The following FDFT1 variants were observed in gnomAD, a reference collection of about 807,000 sequenced individuals.
FDFT1 encodes the protein farnesyl-diphosphate farnesyltransferase 1.
A neutral mutation model predicts 46.8 loss-of-function variants in FDFT1; 68 were observed. That is an observed-to-expected ratio of 1.45 (90% CI 1.19 to 1.78). The LOEUF (loss-of-function observed/expected upper bound fraction) is 1.78. Ranked by LOEUF, FDFT1 falls within the 40% of genes most tolerant of loss-of-function variation. FDFT1 has a pLI of 0.00. For synonymous variants in FDFT1, 351 were observed against 185.1 expected (o/e 1.90, Z -7.28); for missense variants, 928 against 524.4 (o/e 1.77, Z -7.52).
At chr8:11,828,095 G>A (rs533310751) in intron 5 of FDFT1, among the ~76,000 whole-genome samples, 1 of 151,944 alleles carries the variant, frequency 6.6e-6, no homozygotes, top group East Asian at 1.9e-4. Flanking sequence ...CCAGCTACTT[G>A]GGAGGCTGAT....
At chr8:11,820,089 A>G (rs888045451) in intron 3 of FDFT1, among the ~76,000 whole-genome samples, 1 of 152,078 alleles carries the variant, frequency 6.6e-6, no homozygotes, top group Non-Finnish European at 1.5e-5. Flanking sequence ...TTTTCCTTCT[A>G]ACAGAGGCCC....
chr8:11,820,276 C>T (rs942363117), intron 3 of FDFT1, among the ~76,000 whole-genome samples: 1 of 152,298 alleles, frequency 6.6e-6, no homozygotes, highest in South Asian at 2.1e-4. Flanking sequence ...TGGGAGGTGT[C>T]TCCTCCCAGT....
intron 3 of FDFT1, among the ~76,000 whole-genome samples, chr8:11,821,254 T>C (rs1271903570): frequency 6.6e-6 from 1 of 152,242 alleles, no homozygotes; most frequent in African/African-American, 2.4e-5. Flanking sequence ...AACATTAGCA[T>C]TTTTAGACCA....
At chr8:11,814,750 C>T (rs1389264044) in intron 3 of FDFT1, among the ~76,000 whole-genome samples, 2 of 152,074 alleles carry the variant, frequency 1.3e-5, no homozygotes, top group African/African-American at 2.4e-5. Context: ...AAAAGTATAG[C>T]CTTAATAGTG....
At chr8:11,801,980 C>T (rs1410971228), upstream of FDFT1, 4 of 455,782 alleles carry the variant, frequency 8.8e-6, no homozygotes, top group Middle Eastern at 3.6e-4. Context: ...TGAGCCACCA[C>T]GCCTGGACGG....
intron 3 of FDFT1, chr8:11,810,126 C>G: frequency 2.5e-6 from 1 of 404,554 alleles, no homozygotes; most frequent in Non-Finnish European, 4.4e-6. Flanking sequence ...ACACCTACCT[C>G]ATGGTATTCT....
At chr8:11,800,038 G>T (rs932607991), upstream of FDFT1, among the ~76,000 whole-genome samples, 1 of 151,286 alleles carries the variant, frequency 6.6e-6, no homozygotes, top group Non-Finnish European at 1.5e-5. Flanking sequence ...GAGGAGGGTG[G>T]ATCATGAGGT....
At chr8:11,808,684 G>A in intron 1 of FDFT1, 110 bp from the exon 2 acceptor site, 8 of 1,489,916 alleles carry the variant, frequency 5.4e-6, no homozygotes. Flanking sequence ...GGAGAGGGCG[G>A]CAGGCTGTGG....
chr8:11,807,164 A>T (rs74632641), intron 1 of FDFT1, among the ~76,000 whole-genome samples: 3 of 151,882 alleles, frequency 2.0e-5, no homozygotes, highest in Non-Finnish European at 4.4e-5. Flanking sequence ...TTTGTTTTTT[A>T]TTTTTTTGAG....
chr8:11,836,352 C>CA (rs1305896194), intron 7 of FDFT1, among the ~76,000 whole-genome samples: 3 of 152,218 alleles, frequency 2.0e-5, no homozygotes, highest in Non-Finnish European at 2.9e-5. Context: ...AACCAGTTTC[C>CA]AAGTAGGGCT....
At chr8:11,828,971 A>G (rs1463908054) in intron 5 of FDFT1, among the ~76,000 whole-genome samples, 2 of 152,120 alleles carry the variant, frequency 1.3e-5, no homozygotes, top group African/African-American at 2.4e-5. Context: ...GTACATTTGC[A>G]TATAAGTTTT....
intron 2 of FDFT1, chr8:11,809,338 TC>T: frequency 9.1e-7 from 1 of 1,100,096 alleles, no homozygotes; most frequent in South Asian, 3.3e-5. Context: ...TTTTTGACTT[TC>T]TTTTCTATTT....
rs368325351 is a variant in FDFT1 at position 11,830,359 on chromosome 8, T to G, written c.818T>G (p.Val273Gly). The G allele has an allele frequency of 8.1e-6, 13 of 1,613,844 alleles. No homozygotes were observed. The highest frequency in any genetic ancestry group is 1.3e-5 in the African/African-American group (1 of 74,900). Reference protein sequence around the residue: ...ITNALHHIPDVITYLSRLRNQ... With the variant: ...ITNALHHIPDGITYLSRLRNQ... ...AATGCACTGCACCACATCCCAGATG[T>G]CATCACCTACCTTTCGAGACTCAGA... Residue 273 changes from valine (V) to glycine (G), a missense_variant, in exon 6 of 8, where the codon GTC (valine) becomes GGC (glycine). By Grantham distance (109) the Val-to-Gly change is moderately radical. Transcript: ENST00000220584.
chr8:11,811,975 A>T (rs1807777672), intron 3 of FDFT1, among the ~76,000 whole-genome samples: 1 of 152,122 alleles, frequency 6.6e-6, no homozygotes, highest in South Asian at 2.1e-4. Flanking sequence ...TGTCTTTGAA[A>T]CCAGTTGTCT....
intron 4 of FDFT1, among the ~76,000 whole-genome samples, chr8:11,825,702 A>C (rs989344690): frequency 6.6e-6 from 1 of 151,930 alleles, no homozygotes; most frequent in Non-Finnish European, 1.5e-5. Flanking sequence ...AAAAATAAAA[A>C]ATAAAAATAA....
chr8:11,828,572 G>A (rs556594627), intron 5 of FDFT1, among the ~76,000 whole-genome samples: 152 of 152,362 alleles, frequency 1.0e-3, no homozygotes, highest in African/African-American at 3.6e-3. Context: ...CCACGGGCAT[G>A]TGATGCATGA....
At chr8:11,834,055 A>C (rs1811219624) in intron 7 of FDFT1, among the ~76,000 whole-genome samples, 2 of 152,222 alleles carry the variant, frequency 1.3e-5, no homozygotes, top group African/African-American at 4.8e-5. Context: ...TCCAGATATT[A>C]ACACTGATCC....
intron 4 of FDFT1, among the ~76,000 whole-genome samples, chr8:11,824,110 T>A (rs1247872662): frequency 6.6e-6 from 1 of 152,122 alleles, no homozygotes; most frequent in Admixed American, 6.6e-5. Context: ...CAGTCCCCTC[T>A]CCACAGCCTC....
chr8:11,805,873 G>A (rs924448582), intron 1 of FDFT1, among the ~76,000 whole-genome samples: 2 of 152,182 alleles, frequency 1.3e-5, no homozygotes, highest in African/African-American at 2.4e-5. Context: ...TGTTTCAGTG[G>A]ACTATGGGCC....
Sources: allele counts gnomAD v4.1 joint callset (sites outside exome capture counted in the v4.1 genomes callset), GRCh38; gene constraint gnomAD v4.1.1; transcripts MANE v1.5; gene names NCBI Gene and HGNC (gene_info 2026-07-23, HGNC 2026-07-21).